Variants in RAB1B observed in about 807,000 individuals in gnomAD.
RAB1B encodes ras-related protein Rab-1B.
RAB1B carries 10 observed loss-of-function variants against 24.8 expected under a neutral mutation model. The observed-to-expected ratio is 0.40, with a 90% confidence interval of 0.25 to 0.68. RAB1B has a LOEUF of 0.68. Ranked by LOEUF, RAB1B falls within the 30% of genes least tolerant of loss-of-function variation. The pLI, the probability that RAB1B is intolerant of heterozygous loss-of-function variation, is 0.37. For synonymous variants in RAB1B, 99 were observed against 111.7 expected (o/e 0.89, Z 0.72); for missense variants, 154 against 271.2 (o/e 0.57, Z 3.04).
chr11:66,270,763 C>G (rs1405974723), intron 1 of RAB1B: 1 of 152,286 alleles, frequency 6.6e-6, no homozygotes, highest in African/African-American at 2.4e-5. Flanking sequence ...TAGGCTGGGC[C>G]CTGGCTTCTA....
At chr11:66,273,224 TAAG>T (rs1312821469) in intron 4 of RAB1B, among the ~76,000 whole-genome samples, 1 of 152,190 alleles carries the variant, frequency 6.6e-6, no homozygotes, top group Non-Finnish European at 1.5e-5. Flanking sequence ...TCCCTGAAGA[TAAG>T]GAGAAGCTTA....
Position 66,268,665 on chromosome 11 carries a change from G to A in RAB1B, c.-15G>A. 1 of 1,552,716 alleles carries A rather than the reference G, an allele frequency of 6.4e-7. No individual in the cohort carries two copies. The highest frequency in any genetic ancestry group is 2.4e-5 in the East Asian group (1 of 41,572). ...GAGTCGACTGGGAGCGACCGAGCGG[G>A]CCGCCGCCGCCGCCATGAACCCCGA... is the stretch of plus-strand genomic sequence containing the variant. On this transcript the variant is annotated 5_prime_UTR_variant, in exon 1 of 6. Transcript: ENST00000311481.
chr11:66,273,517 C>CT (rs1179773730), intron 4 of RAB1B, among the ~76,000 whole-genome samples: 3 of 152,216 alleles, frequency 2.0e-5, no homozygotes, highest in African/African-American at 7.2e-5. Flanking sequence ...TTGTCAGTGT[C>CT]TATTTGCTGG....
In RAB1B at chr11:66,276,656, G is replaced by T. The variant is rs1857152666; in HGVS notation, c.*418G>T. On this transcript the variant is annotated 3_prime_UTR_variant, in exon 6 of 6. Transcript: ENST00000311481. The stretch of plus-strand genomic sequence containing the variant: ...GCCTCTACTGCCCTGGCTGCAGTCA[G>T]TGCCCAGGGCGAGGAATGTGGCCAG... 1 of 162,814 alleles carries T rather than the reference G, an allele frequency of 6.1e-6. No individual in the cohort carries two copies. Among genetic ancestry groups the T allele is most frequent in the East Asian group, 1.8e-4 (1 of 5,442 alleles). The allele number at this position is 162,814 out of a possible 1,614,324, so 10.1% of individuals were successfully genotyped here.
In RAB1B at chr11:66,272,269, C is replaced by G. The variant is rs1229295416; in HGVS notation, c.183+17C>G. 3 of 1,609,190 alleles carry G rather than the reference C, an allele frequency of 1.9e-6. No homozygotes were observed. Among genetic ancestry groups the G allele is most frequent in the Non-Finnish European group, 2.6e-6 (3 of 1,175,506 alleles). ...CTTCAGATCGTGAGTGTCGCTCTTCCCAAAATCCCCAGTACAGAGGTATCC... is the reference window on the plus strand; with the variant it reads ...CTTCAGATCGTGAGTGTCGCTCTTCGCAAAATCCCCAGTACAGAGGTATCC... On this transcript the variant is annotated intron_variant, in intron 3 of 5. Coordinates refer to ENST00000311481, the MANE Select transcript of RAB1B (RefSeq NM_030981.3).
chr11:66,271,934 C>A, intron 2 of RAB1B, 65 bp downstream of exon 2: 1 of 1,310,122 alleles, frequency 7.6e-7, no homozygotes, highest in Non-Finnish European at 1.1e-6. Context: ...GGAGAAGGGA[C>A]AACACAGAGC....
intron 4 of RAB1B, among the ~76,000 whole-genome samples, chr11:66,275,332 C>T (rs1857124109): frequency 6.6e-6 from 1 of 152,152 alleles, no homozygotes; most frequent in Non-Finnish European, 1.5e-5. Flanking sequence ...TTCCTGTCTC[C>T]CCACAGGCCA....
intron 2 of RAB1B, 121 bp from the exon 3 acceptor site, chr11:66,272,036 G>T: frequency 1.0e-6 from 1 of 968,412 alleles, no homozygotes; most frequent in South Asian, 1.3e-5. Flanking sequence ...GGCCAGCTGA[G>T]TGCTGGGAAT....
chr11:66,270,749 G>A (rs1857043419), intron 1 of RAB1B: 1 of 152,262 alleles, frequency 6.6e-6, no homozygotes, highest in South Asian at 2.1e-4. Flanking sequence ...AACTTAATAG[G>A]TTCTAGGCTG....
chr11:66,275,231 G>T lies in RAB1B; in HGVS notation c.280-573G>T, dbSNP rs1041893495. ...CCTGAAAGTCCTGTCCTTTGTGTGT[G>T]GGGTAGGGGCGCAAGTGCTGGGAGA... On this transcript the variant is annotated intron_variant, in intron 4 of 5. Transcript: ENST00000311481. Among the ~76,000 whole-genome samples the T allele has an allele frequency of 2.0e-5, 3 of 152,190 alleles. No homozygotes were observed. The East Asian group carries it at 5.8e-4, about 29-fold the overall frequency.
At chr11:66,274,114 A>G (rs569042383) in intron 4 of RAB1B, among the ~76,000 whole-genome samples, 17 of 152,256 alleles carry the variant, frequency 1.1e-4, no homozygotes, top group Admixed American at 2.0e-4. Flanking sequence ...CACTGGGACT[A>G]TAGACACACA....
Position 66,275,809 on chromosome 11 carries a change from C to T in RAB1B, c.285C>T (p.Ser95=), listed in dbSNP as rs1383871395. 3 of 1,578,792 alleles carry T rather than the reference C, an allele frequency of 1.9e-6. No individual in the cohort carries two copies. The highest frequency in any genetic ancestry group is 2.6e-6 in the Non-Finnish European group (3 of 1,162,520). ...IVVYDVTDQE[S]YANVKQWLQE... is the part of the protein sequence containing the mutation. ...TGGCCCCTGGCCCCCTTTAGGAATC[C>T]TACGCCAACGTGAAGCAGTGGCTGC... The change falls in exon 5 of 6, where the codon TCC becomes TCT. Residue 95 remains serine (S), a synonymous_variant. Coordinates refer to ENST00000311481, the MANE Select transcript of RAB1B (RefSeq NM_030981.3).
intron 4 of RAB1B, 41 bp from the exon 5 acceptor site, chr11:66,275,762 AC>A: frequency 1.3e-6 from 2 of 1,546,484 alleles, no homozygotes; most frequent in East Asian, 4.8e-5. Context: ...GGTAGGGGTG[AC>A]AGTTGGGAGC....
At chr11:66,272,506 G>A in intron 4 of RAB1B, 46 bp downstream of exon 4, 2 of 1,254,702 alleles carry the variant, frequency 1.6e-6, no homozygotes, top group South Asian at 2.9e-5. Flanking sequence ...TTAGCCTTAG[G>A]TCTTTGACTC....
chr11:66,272,529 C>T, intron 4 of RAB1B, 69 bp downstream of exon 4: 1 of 1,003,676 alleles, frequency 1.0e-6, no homozygotes, highest in Non-Finnish European at 1.5e-6. Flanking sequence ...CTTTTTCCTC[C>T]TTCCATCCTC....
Position 66,272,211 on chromosome 11 carries a change from C to G in RAB1B, c.142C>G (p.Arg48Gly). Residue 48 changes from arginine (R) to glycine (G), a missense_variant, in exon 3 of 6, where the codon CGA becomes GGA. Coordinates refer to ENST00000311481, the MANE Select transcript of RAB1B (RefSeq NM_030981.3). Reference sequence around the variant, plus strand: ...CACCATCGGGGTGGACTTCAAGATCCGAACCATCGAGCTGGATGGCAAAAC... The same window carrying G: ...CACCATCGGGGTGGACTTCAAGATCGGAACCATCGAGCTGGATGGCAAAAC... ...ISTIGVDFKIRTIELDGKTIK... is the reference protein window; with the variant it reads ...ISTIGVDFKIGTIELDGKTIK... The G allele has an allele frequency of 6.2e-7, 1 of 1,613,988 alleles. No homozygotes were observed. The highest frequency in any genetic ancestry group is 8.5e-7 in the Non-Finnish European group (1 of 1,179,882).
intron 1 of RAB1B, 91 bp downstream of exon 1, chr11:66,268,784 C>T: frequency 1.6e-6 from 2 of 1,278,448 alleles, no homozygotes; most frequent in South Asian, 1.8e-5. Context: ...CGGGTCAGGA[C>T]TGTGCGGCGC....
chr11:66,272,491 C>G, intron 4 of RAB1B, 31 bp downstream of exon 4: 1 of 1,436,774 alleles, frequency 7.0e-7, no homozygotes. Context: ...CTCAGCTTGG[C>G]CTCCTTAGCC....
chr11:66,275,797 C>T lies in RAB1B; in HGVS notation c.280-7C>T, dbSNP rs373293659. On this transcript the variant is annotated splice_polypyrimidine_tract_variant and splice_region_variant and intron_variant, in intron 4 of 5. Transcript: ENST00000311481. ...GCAAAATAACTTTGGCCCCTGGCCC[C>T]CTTTAGGAATCCTACGCCAACGTGA... 42 of 1,570,818 alleles carry T rather than the reference C, an allele frequency of 2.7e-5. No homozygotes were observed. Among genetic ancestry groups the T allele is most frequent in the Non-Finnish European group, 3.5e-5 (40 of 1,158,002 alleles).
Sources: gnomAD v4.1 joint callset for allele counts (sites outside exome capture counted in the v4.1 genomes callset) on GRCh38, gnomAD v4.1.1 for gene constraint, MANE v1.5 for transcripts, NCBI Gene and HGNC (gene_info 2026-07-23, HGNC 2026-07-21) for gene names.